Variants in DUS4L observed in about 807,000 individuals in gnomAD.
DUS4L encodes tRNA-dihydrouridine(20a/20b) synthase [NAD(P)+]-like.
A neutral mutation model predicts 33.8 loss-of-function variants in DUS4L; 31 were observed. The ratio of observed to expected loss-of-function variants is 0.92; its 90% CI spans 0.69 to 1.24. The LOEUF (loss-of-function observed/expected upper bound fraction) is 1.24. DUS4L is among the 50% of genes most tolerant of loss of function. The pLI, the probability that DUS4L is intolerant of heterozygous loss-of-function variation, is 0.00. For synonymous variants in DUS4L, 103 were observed against 120.3 expected (o/e 0.86, Z 0.94); for missense variants, 368 against 388.6 (o/e 0.95, Z 0.45).
chr7:107,573,935 T>C, intron 5 of DUS4L, 114 bp downstream of exon 5: 1 of 1,310,862 alleles, frequency 7.6e-7, no homozygotes, highest in Non-Finnish European at 9.8e-7. Flanking sequence ...AGAGTTACAG[T>C]CCCAGGGCTC....
intron 3 of DUS4L, chr7:107,567,941 C>T: frequency 4.4e-6 from 1 of 226,690 alleles, no homozygotes; most frequent in Non-Finnish European, 8.9e-6. Context: ...GCATAACATC[C>T]TCAAGGTTCA....
At chr7:107,568,439 T>A (rs1401511430) in intron 3 of DUS4L, among the ~76,000 whole-genome samples, 1 of 152,238 alleles carries the variant, frequency 6.6e-6, no homozygotes, top group African/African-American at 2.4e-5. Context: ...ATTTCCCTAA[T>A]GATTAATGAT....
rs547221900 is a variant in DUS4L at position 107,572,098 on chromosome 7, T to C, written c.238+832T>C. On this transcript the variant is annotated intron_variant, in intron 4 of 7. Transcript: ENST00000265720. ...CTTATGTTGCACTTAATCACTTAAT[T>C]CTACTGCATTATGATTTCCTCTTTA... Among the ~76,000 whole-genome samples the C allele has an allele frequency of 5.9e-5, 9 of 152,216 alleles. No individual in the cohort carries two copies. In the East Asian group the frequency reaches 1.7e-3, roughly 29 times the overall value.
At position 107,566,925 on chromosome 7, in the gene DUS4L, A is replaced by G. The variant is rs1465938660; in HGVS notation, c.-21-125A>G. 3.7e-5 allele frequency: 22 copies of G among 588,592 alleles called. 1 individual carries two copies. In the Admixed American group the frequency reaches 5.8e-4, roughly 16 times the overall value. 36.5% of individuals were successfully genotyped at this position (588,592 alleles called of 1,614,324 possible). ...TTGGATACTGTGAAAATAAGCTATT[A>G]ATAAAAAAATTTCTGAGCCCACAAG... is the stretch of plus-strand genomic sequence containing the variant. On this transcript the variant is annotated intron_variant, in intron 2 of 7. Transcript: ENST00000265720.
chr7:107,564,416 C>T, intron 1 of DUS4L, 172 bp from the exon 2 acceptor site: 1 of 178,284 alleles, frequency 5.6e-6, no homozygotes, highest in Non-Finnish European at 1.2e-5. Context: ...AATAAAAGCC[C>T]GCAGGAAATG....
chr7:107,566,792 G>GAA (rs5886419), intron 2 of DUS4L, among the ~76,000 whole-genome samples: 6 of 145,972 alleles, frequency 4.1e-5, no homozygotes, highest in Non-Finnish European at 3.0e-5. Flanking sequence ...GTAAACTAGG[G>GAA]AAAAAAAAAA....
intron 3 of DUS4L, chr7:107,569,984 A>G (rs1349628149): frequency 6.6e-6 from 1 of 152,066 alleles, no homozygotes; most frequent in African/African-American, 2.4e-5. Flanking sequence ...CCTTGTTCCT[A>G]AGGCAAAAGT....
In DUS4L at chr7:107,564,606, C is replaced by G. The variant is rs148907041; in HGVS notation, c.-92C>G. 1 of 152,650 alleles carries G rather than the reference C, an allele frequency of 6.6e-6. No individual in the cohort carries two copies. Among genetic ancestry groups the G allele is most frequent in the African/African-American group, 2.4e-5 (1 of 41,442 alleles). The allele number at this position is 152,650 out of a possible 1,614,324, so 9.5% of individuals were successfully genotyped here. ...TCCTCAGTTTCAGTCACGTGCCAGACTTTTTCTTAATTACAAACTGATAGA... is the reference window on the plus strand; with the variant it reads ...TCCTCAGTTTCAGTCACGTGCCAGAGTTTTTCTTAATTACAAACTGATAGA... On this transcript the variant is annotated 5_prime_UTR_variant, in exon 2 of 8. Transcript: ENST00000265720.
intron 3 of DUS4L, chr7:107,567,725 A>G (rs1429569608): frequency 2.2e-6 from 1 of 448,542 alleles, no homozygotes; most frequent in Non-Finnish European, 4.5e-6. Flanking sequence ...ATTGTTGTGC[A>G]TCTGATCTCT....
At chr7:107,566,253 C>CT (rs1047096651) in intron 2 of DUS4L, among the ~76,000 whole-genome samples, 7 of 151,976 alleles carry the variant, frequency 4.6e-5, no homozygotes, top group South Asian at 2.1e-4. Flanking sequence ...ATATCTGATT[C>CT]TTTTTTTTGT....
intron 5 of DUS4L, among the ~76,000 whole-genome samples, chr7:107,574,736 C>G (rs1422819697): frequency 2.0e-5 from 3 of 152,098 alleles, no homozygotes; most frequent in African/African-American, 7.2e-5. Flanking sequence ...ATAGCGTAAT[C>G]GAAATCAGAT....
rs192210816 is a variant in DUS4L at position 107,566,649 on chromosome 7, G to A, written c.-21-401G>A. ...TCTATTAATGCCATTTAACTTTCCT[G>A]AATAAAACAAGATATTTCCAAATGC... On this transcript the variant is annotated intron_variant, in intron 2 of 7. Coordinates refer to ENST00000265720, the MANE Select transcript of DUS4L (RefSeq NM_181581.3). 7.2e-5 allele frequency among the ~76,000 whole-genome samples: 11 copies of A among 152,086 alleles called. 1 individual carries two copies. Among genetic ancestry groups the A allele is most frequent in the Admixed American group, 7.2e-4 (11 of 15,290 alleles).
rs138622655 is a variant in DUS4L at position 107,576,394 on chromosome 7, G to A, written c.508G>A (p.Asp170Asn). ...RIHDDLKRTV[D>N]LCQKAEATGV... Reference sequence around the variant, plus strand: ...CCATGATGACCTTAAAAGAACTGTAGATCTTTGTCAAAAGGCTGAAGCAAC... The same window carrying A: ...CCATGATGACCTTAAAAGAACTGTAAATCTTTGTCAAAAGGCTGAAGCAAC... The change falls in exon 7 of 8, where the codon GAT (aspartate) becomes AAT (asparagine). Residue 170 changes from aspartate (D) to asparagine (N), a missense_variant. By Grantham distance (23) the Asp-to-Asn change is conservative (BLOSUM62 1). Coordinates refer to ENST00000265720, the MANE Select transcript of DUS4L (RefSeq NM_181581.3). 6.2e-7 allele frequency: 1 copy of A among 1,609,204 alleles called. No individual in the cohort carries two copies. Among genetic ancestry groups the A allele is most frequent in the Non-Finnish European group, 8.5e-7 (1 of 1,178,930 alleles).
Position 107,571,260 on chromosome 7 carries a change from A to G in DUS4L, c.232A>G (p.Asn78Asp). The G allele has an allele frequency of 4.4e-6, 7 of 1,608,750 alleles. No homozygotes were observed. The highest frequency in any genetic ancestry group is 5.9e-6 in the Non-Finnish European group (7 of 1,178,690). The change falls in exon 4 of 8, where the codon AAT becomes GAT. Residue 78 changes from asparagine to aspartate, a missense_variant. Transcript: ENST00000265720. ...IKARDSEFTT[N>D]QGDCPLIVQF... ...AGCCAGAGACAGCGAATTTACCACA[A>G]ATCAAGGTATGTGAAACCGAGTGTA...
rs1009647545 is a variant in DUS4L, at chr7:107,566,353, CTG to C, written c.-21-694_-21-693del. Among the ~76,000 whole-genome samples the C allele has an allele frequency of 3.8e-4, 58 of 152,260 alleles. 1 individual carries two copies. Among genetic ancestry groups the C allele is most frequent in the Non-Finnish European group, 1.5e-4 (10 of 68,028 alleles). On this transcript the variant is annotated intron_variant, in intron 2 of 7. Coordinates refer to ENST00000265720, the MANE Select transcript of DUS4L (RefSeq NM_181581.3). ...ACTGGAATATGAAAAGTAGCCAACA[CTG>C]TGAAATAGTAGGATTTTAAGTATAG...
chr7:107,566,027 G>A (rs1167370000), intron 2 of DUS4L, among the ~76,000 whole-genome samples: 2 of 152,060 alleles, frequency 1.3e-5, no homozygotes, highest in Non-Finnish European at 2.9e-5. Flanking sequence ...CGTTTTCTGA[G>A]TATCACTCTT....
At position 107,572,695 on chromosome 7, in the gene DUS4L, C is replaced by G. The variant is rs148465810; in HGVS notation, c.239-1009C>G. On this transcript the variant is annotated intron_variant, in intron 4 of 7. Transcript: ENST00000265720. ...TGAAACCCTATCTCTACTAAAAATG[C>G]AAAAATTGGCTGGCCATGGTGGCAG... 6.0e-4 allele frequency among the ~76,000 whole-genome samples: 91 copies of G among 151,996 alleles called. 1 individual carries two copies. In the East Asian group the frequency reaches 6.4e-3, roughly 11 times the overall value.
Position 107,573,715 on chromosome 7 carries a change from T to C in DUS4L, c.250T>C (p.Leu84=), listed in dbSNP as rs1004216282. Residue 84 remains leucine, a synonymous_variant, in exon 5 of 8, where the codon TTG becomes CTG. Transcript: ENST00000265720. ...EFTTNQGDCP[L]IVQFAANDAR... is the part of the protein sequence containing the mutation. ...ATTCATTTTGTCAGGTGATTGCCCATTGATTGTTCAGTTTGCTGCTAACGA... is the reference window on the plus strand; with the variant it reads ...ATTCATTTTGTCAGGTGATTGCCCACTGATTGTTCAGTTTGCTGCTAACGA... 6.2e-7 allele frequency: 1 copy of C among 1,608,600 alleles called. No individual in the cohort carries two copies. Among genetic ancestry groups the C allele is most frequent in the African/African-American group, 1.3e-5 (1 of 74,660 alleles).
chr7:107,577,114 G>A (rs1007554816), intron 7 of DUS4L, 199 bp from the exon 8 acceptor site: 42 of 635,996 alleles, frequency 6.6e-5, no homozygotes, highest in African/African-American at 1.3e-4. Context: ...ATTTCTGTAC[G>A]TACATTTAAA....
Sources: allele counts gnomAD v4.1 joint callset (sites outside exome capture counted in the v4.1 genomes callset), GRCh38; gene constraint gnomAD v4.1.1; transcripts MANE v1.5; gene names NCBI Gene and HGNC (gene_info 2026-07-23, HGNC 2026-07-21).